Variants in GALNT8 observed in about 807,000 individuals in gnomAD.
The protein encoded by GALNT8 is probable polypeptide N-acetylgalactosaminyltransferase 8.
A neutral mutation model predicts 62.7 loss-of-function variants in GALNT8; 66 were observed. That is an observed-to-expected ratio of 1.05 (90% CI 0.86 to 1.29). The LOEUF is 1.29. GALNT8 is among the 50% of genes most tolerant of loss of function. GALNT8 has a pLI of 0.00. For missense variants in GALNT8, 771 were observed against 791.8 expected (o/e 0.97, Z 0.32); for synonymous variants, 288 against 294.3 (o/e 0.98, Z 0.22).
In GALNT8 at chr12:4,739,262, T is replaced by C; in HGVS notation, c.609T>C (p.Ser203=). 6.2e-7 allele frequency: 1 copy of C among 1,613,610 alleles called. No homozygotes were observed. Among genetic ancestry groups the C allele is most frequent in the Non-Finnish European group, 8.5e-7 (1 of 1,179,520 alleles). The change falls in exon 3 of 11, where the codon AGT becomes AGC. Residue 203 remains serine, a synonymous_variant. Transcript: ENST00000252318. ...CCATTATACAACGGGCCATCACCAG[T>C]ATCATCAACCGGACGCCCTCTCGAT... is the stretch of plus-strand genomic sequence containing the variant. The part of the protein sequence containing the change: ...ALSIIQRAIT[S]IINRTPSRLL...
At chr12:4,747,645 C>A (rs145672378) in intron 6 of GALNT8, among the ~76,000 whole-genome samples, 1 of 152,216 alleles carries the variant, frequency 6.6e-6, no homozygotes, top group Non-Finnish European at 1.5e-5. Flanking sequence ...GCTTCCATAT[C>A]TTGACTGTTG....
At chr12:4,758,637 T>TGTGA (rs1331395501) in intron 6 of GALNT8, among the ~76,000 whole-genome samples, 15 of 59,750 alleles carry the variant, frequency 2.5e-4, no homozygotes, top group African/African-American at 9.2e-4. Flanking sequence ...TGTGTGTGTG[T>TGTGA]GAGAGAGAGA....
At chr12:4,743,059 C>T (rs945637807) in intron 3 of GALNT8, among the ~76,000 whole-genome samples, 3 of 152,286 alleles carry the variant, frequency 2.0e-5, no homozygotes, top group East Asian at 1.9e-4. Flanking sequence ...ACTCTGTTGC[C>T]GAGGCTGGCC....
At chr12:4,767,584 G>A (rs1430959315) in intron 10 of GALNT8, among the ~76,000 whole-genome samples, 1 of 152,158 alleles carries the variant, frequency 6.6e-6, no homozygotes, top group African/African-American at 2.4e-5. Flanking sequence ...GCAAGGGGAG[G>A]ACTTACTAAA....
intron 6 of GALNT8, among the ~76,000 whole-genome samples, chr12:4,755,630 G>A (rs1946341099): frequency 1.3e-5 from 2 of 152,296 alleles, no homozygotes; most frequent in East Asian, 1.9e-4. Flanking sequence ...TTGTATCCTT[G>A]TCAGGGGGAT....
chr12:4,733,552 G>A (rs1428902471), intron 2 of GALNT8, among the ~76,000 whole-genome samples: 1 of 152,186 alleles, frequency 6.6e-6, no homozygotes, highest in Non-Finnish European at 1.5e-5. Context: ...AAGTTCAGCA[G>A]AATTTTAATC....
At chr12:4,771,249 G>A (rs1253812286) in intron 10 of GALNT8, among the ~76,000 whole-genome samples, 1 of 152,212 alleles carries the variant, frequency 6.6e-6, no homozygotes, top group Non-Finnish European at 1.5e-5. Flanking sequence ...TGCTCAGTTG[G>A]CAGACCCTGT....
At position 4,772,590 on chromosome 12, in the gene GALNT8, G is replaced by A; in HGVS notation, c.1907G>A (p.Ser636Asn). 1 of 1,613,104 alleles carries A rather than the reference G, an allele frequency of 6.2e-7. No homozygotes were observed. The highest frequency in any genetic ancestry group is 1.1e-5 in the South Asian group (1 of 91,048). Residue 636 changes from serine to asparagine, a missense_variant, in exon 11 of 11, where the codon AGC (serine) becomes AAC (asparagine). Ser to Asn is a conservative substitution (Grantham distance 46). Transcript: ENST00000252318. Reference sequence around the variant, plus strand: ...GTCAGAGACTGGGGTCAGACCAACAGCCAGTGATCCTCAGATGGTGCTGGA... The same window carrying A: ...GTCAGAGACTGGGGTCAGACCAACAACCAGTGATCCTCAGATGGTGCTGGA... ...HTVRDWGQTN[S>N]Q
At chr12:4,768,589 A>T in intron 10 of GALNT8, 1 of 236,514 alleles carries the variant, frequency 4.2e-6, no homozygotes, top group Non-Finnish European at 8.6e-6. Context: ...AAGGCAGAAC[A>T]TCCAGGGAAA....
rs1278828357 is a variant in GALNT8 at position 4,745,623 on chromosome 12, T to C, written c.1055T>C (p.Val352Ala). 3 of 1,611,306 alleles carry C rather than the reference T, an allele frequency of 1.9e-6. No individual in the cohort carries two copies. The highest frequency in any genetic ancestry group is 2.5e-6 in the Non-Finnish European group (3 of 1,177,760). The change falls in exon 5 of 11, where the codon GTG becomes GCG. Residue 352 changes from valine (V) to alanine (A), a missense_variant. Coordinates refer to ENST00000252318, the MANE Select transcript of GALNT8 (RefSeq NM_017417.2). ...GATCTGCATGATGTCACTGCCCCAG[T>C]GAAGTAAGTCTGAGGAGATTCAGGG... ...WIDLHDVTAP[V>A]KSPSIMGILA...
intron 6 of GALNT8, among the ~76,000 whole-genome samples, chr12:4,750,132 C>T (rs7970126): frequency 0.51 from 76,869 of 151,580 alleles, 20,171 homozygotes; most frequent in Non-Finnish European, 0.59. Context: ...TTTTTGTATT[C>T]TTTATTTCAA....
At chr12:4,722,046 G>A (rs949074946) in intron 1 of GALNT8, among the ~76,000 whole-genome samples, 3 of 152,208 alleles carry the variant, frequency 2.0e-5, no homozygotes, top group Admixed American at 2.0e-4. Context: ...CACAGCACAT[G>A]TTTCAGGGAG....
intron 1 of GALNT8, 45 bp downstream of exon 1, chr12:4,720,933 G>T (rs1321254064): frequency 1.7e-6 from 2 of 1,198,830 alleles, no homozygotes; most frequent in African/African-American, 3.0e-5. Flanking sequence ...GTGGGTGTGT[G>T]TGTTTGGGGC....
At chr12:4,745,271 G>C (rs1460970515) in intron 4 of GALNT8, among the ~76,000 whole-genome samples, 158 bp from the exon 5 acceptor site, 2 of 152,184 alleles carry the variant, frequency 1.3e-5, no homozygotes, top group Non-Finnish European at 2.9e-5. Context: ...AGGTTACAGA[G>C]ATTCTCTGGA....
intron 6 of GALNT8, among the ~76,000 whole-genome samples, chr12:4,756,342 C>T (rs143615941): frequency 6.6e-6 from 1 of 152,308 alleles, no homozygotes; most frequent in East Asian, 1.9e-4. Flanking sequence ...AAGTCAAAAT[C>T]CTGCTTTGCC....
chr12:4,771,004 C>T (rs930462441), intron 10 of GALNT8, among the ~76,000 whole-genome samples: 3 of 152,112 alleles, frequency 2.0e-5, no homozygotes, highest in African/African-American at 4.8e-5. Context: ...GCGGGTGAGG[C>T]GGGCATGGGG....
chr12:4,747,530 T>G (rs1280665102), intron 6 of GALNT8, among the ~76,000 whole-genome samples: 3 of 152,234 alleles, frequency 2.0e-5, no homozygotes, highest in Non-Finnish European at 4.4e-5. Context: ...GTTCCATCTA[T>G]GTTGTTGCAA....
intron 2 of GALNT8, among the ~76,000 whole-genome samples, chr12:4,734,605 T>A (rs1181912165): frequency 6.6e-6 from 1 of 151,688 alleles, no homozygotes; most frequent in Non-Finnish European, 1.5e-5. Context: ...CCCTCCCACC[T>A]GTATTATGGC....
intron 1 of GALNT8, among the ~76,000 whole-genome samples, chr12:4,724,717 C>T (rs78704741): frequency 6.6e-6 from 1 of 152,282 alleles, no homozygotes; most frequent in Non-Finnish European, 1.5e-5. Flanking sequence ...TTACTTTTTG[C>T]CCAAGTTTTT....
Sources: allele counts gnomAD v4.1 joint callset (sites outside exome capture counted in the v4.1 genomes callset), GRCh38; gene constraint gnomAD v4.1.1; transcripts MANE v1.5; gene names NCBI Gene and HGNC (gene_info 2026-07-23, HGNC 2026-07-21).